Variants in HK1 observed in about 807,000 individuals in gnomAD.
HK1 encodes the protein hexokinase 1.
In HK1, 28 loss-of-function variants were observed where a neutral mutation model predicts 91.6. That is an observed-to-expected ratio of 0.31 (90% confidence interval 0.23 to 0.42). HK1 has a LOEUF of 0.42. Among genes scored for constraint, HK1 ranks in the 10% least tolerant of loss-of-function variants. The pLI is 1.00. For missense variants in HK1, 770 were observed against 1,219.8 expected (o/e 0.63, Z 5.49); for synonymous variants, 430 against 468.1 (o/e 0.92, Z 1.05).
At chr10:69,329,103 A>G (rs1327359678) in intron 1 of HK1, among the ~76,000 whole-genome samples, 2 of 151,744 alleles carry the variant, frequency 1.3e-5, no homozygotes, top group Non-Finnish European at 2.9e-5. Context: ...TGTTATGAAT[A>G]ATGCTGCTCT....
At chr10:69,321,790 C>T (rs1847047505) in intron 1 of HK1, among the ~76,000 whole-genome samples, 2 of 151,884 alleles carry the variant, frequency 1.3e-5, no homozygotes, top group South Asian at 2.1e-4. Flanking sequence ...GACTTCCCAG[C>T]TTGGAACCCC....
intron 1 of HK1, among the ~76,000 whole-genome samples, chr10:69,278,081 A>G (rs956955277): frequency 6.6e-6 from 1 of 151,510 alleles, no homozygotes; most frequent in Non-Finnish European, 1.5e-5. Flanking sequence ...GGGATAAGGG[A>G]CAAAGCTGGG....
At chr10:69,359,557 G>T (rs776350255) in intron 2 of HK1, among the ~76,000 whole-genome samples, 3 of 152,216 alleles carry the variant, frequency 2.0e-5, no homozygotes, top group Admixed American at 6.5e-5. Flanking sequence ...TTTCTGCATA[G>T]CAGTGCTGTT....
chr10:69,333,622 T>G (rs898441052), intron 1 of HK1, among the ~76,000 whole-genome samples: 3 of 151,946 alleles, frequency 2.0e-5, no homozygotes, highest in Admixed American at 6.6e-5. Flanking sequence ...GAAGGGGAGC[T>G]GAAGTTGGAG....
At chr10:69,274,175 G>A (rs1844322872) in intron 1 of HK1, among the ~76,000 whole-genome samples, 1 of 152,146 alleles carries the variant, frequency 6.6e-6, no homozygotes, top group Non-Finnish European at 1.5e-5. Context: ...TGAGCATAGT[G>A]GCTCATACCT....
Position 69,360,007 on chromosome 10 carries a change from G to A in HK1, c.337G>A (p.Asp113Asn), listed in dbSNP as rs1397148382. Residue 113 changes from aspartate (D) to asparagine (N), a missense_variant, in exon 3 of 18, where the codon GAC becomes AAC. By Grantham distance (23) the Asp-to-Asn change is conservative. Around this residue, in one of 7 missense-constraint regions of HK1, gnomAD observed 449 missense variants for 665.1 expected, o/e 0.68. Coordinates refer to ENST00000359426, the MANE Select transcript of HK1 (RefSeq NM_000188.3). The stretch of plus-strand genomic sequence containing the variant: ...TGTTCACATGGAGTCCGAGGTTTAT[G>A]ACACCCCAGAGAACATCGTGCACGG... ...QNVHMESEVYDTPENIVHGSG... is the reference protein window; with the variant it reads ...QNVHMESEVYNTPENIVHGSG... The A allele has an allele frequency of 6.2e-7, 1 of 1,614,202 alleles. No individual in the cohort carries two copies. The highest frequency in any genetic ancestry group is 1.1e-5 in the South Asian group (1 of 91,090).
intron 16 of HK1, among the ~76,000 whole-genome samples, chr10:69,395,431 A>G (rs1840089993): frequency 6.6e-6 from 1 of 151,902 alleles, no homozygotes. Flanking sequence ...ACAAAAAATT[A>G]GCTGGGTGTG....
intron 5 of HK1, among the ~76,000 whole-genome samples, chr10:69,305,005 T>A (rs1385947790): frequency 6.6e-6 from 1 of 152,166 alleles, no homozygotes; most frequent in Non-Finnish European, 1.5e-5. Context: ...GCCCCAAGCG[T>A]TCCTTGGCTT....
intron 4 of HK1, among the ~76,000 whole-genome samples, chr10:69,297,172 A>G (rs1312239252): frequency 6.6e-6 from 1 of 152,274 alleles, no homozygotes; most frequent in East Asian, 1.9e-4. Flanking sequence ...TGTATGTTTT[A>G]TATACTATAT....
chr10:69,288,585 G>A (rs1322036835), intron 2 of HK1: 2 of 762,244 alleles, frequency 2.6e-6, no homozygotes, highest in Non-Finnish European at 4.9e-6. Context: ...CTCAGTATTA[G>A]GGTGTTTAGC....
At chr10:69,395,239 A>G in intron 16 of HK1, 134 bp downstream of exon 16, 1 of 749,620 alleles carries the variant, frequency 1.3e-6, no homozygotes, top group Non-Finnish European at 2.3e-6. Flanking sequence ...CTGGAATAGC[A>G]GACCCTGGGC....
intron 1 of HK1, among the ~76,000 whole-genome samples, chr10:69,319,894 G>A (rs1846906921): frequency 6.6e-6 from 1 of 151,616 alleles, no homozygotes; most frequent in Non-Finnish European, 1.5e-5. Flanking sequence ...AAAGACGCCC[G>A]TTTTATCAGT....
chr10:69,313,374 T>C (rs1846471257), upstream of HK1, among the ~76,000 whole-genome samples: 1 of 152,202 alleles, frequency 6.6e-6, no homozygotes, highest in African/African-American at 2.4e-5. Context: ...GCTAGTGCCA[T>C]GATGACCACG....
chr10:69,282,793 A>AT (rs1309930093), intron 2 of HK1: 4 of 152,098 alleles, frequency 2.6e-5, no homozygotes, highest in African/African-American at 9.7e-5. Context: ...GGCTTTTCGC[A>AT]TTAAGTAGCT....
chr10:69,331,926 C>T (rs1847747634), intron 1 of HK1, among the ~76,000 whole-genome samples: 1 of 151,732 alleles, frequency 6.6e-6, no homozygotes, highest in South Asian at 2.1e-4. Context: ...ATAGAAACAA[C>T]ATTTTGGATA....
intron 1 of HK1, 69 bp from the exon 2 acceptor site, chr10:69,343,758 G>A (rs905887869): frequency 1.7e-5 from 21 of 1,213,196 alleles, no homozygotes; most frequent in Admixed American, 5.0e-5. Flanking sequence ...CTATCTCAGC[G>A]GGTGGGTGCC....
At position 69,383,170 on chromosome 10, in the gene HK1, C is replaced by A. The variant is rs542254555; in HGVS notation, c.1570+379C>A. Among the ~76,000 whole-genome samples, 9 of 151,822 alleles carry A rather than the reference C, an allele frequency of 5.9e-5. No individual in the cohort carries two copies. The East Asian group carries it at 1.7e-3, about 29-fold the overall frequency. ...TGGGCAACATAGCAAGACCCTGTCT[C>A]AAAAAAAATTAAATGAATAAAAAAG... On this transcript the variant is annotated intron_variant, in intron 10 of 17. Coordinates refer to ENST00000359426, the MANE Select transcript of HK1 (RefSeq NM_000188.3).
intron 8 of HK1, 82 bp downstream of exon 8, chr10:69,377,171 G>A: frequency 6.5e-7 from 1 of 1,531,642 alleles, no homozygotes; most frequent in Admixed American, 1.7e-5. Flanking sequence ...TTGAGTCCAA[G>A]TTTGGTGGCT....
chr10:69,288,630 A>G, intron 2 of HK1: 2 of 951,764 alleles, frequency 2.1e-6, no homozygotes, highest in Admixed American at 1.7e-5. Flanking sequence ...GAGACCGACA[A>G]TCCTCTGACC....
Sources: gnomAD v4.1 joint callset for allele counts (sites outside exome capture counted in the v4.1 genomes callset) on GRCh38, gnomAD v4.1.1 for gene constraint, gnomAD v4.1.1 regional missense constraint, MANE v1.5 for transcripts, NCBI Gene and HGNC (gene_info 2026-07-23, HGNC 2026-07-21) for gene names.